CCBE1: variants seen among roughly 807,000 people sequenced by gnomAD.
CCBE1 encodes the protein collagen and calcium binding EGF domains 1, also known as collagen and calcium-binding EGF domain-containing protein 1.
CCBE1 carries 37 observed loss-of-function variants against 50.0 expected under a neutral mutation model. The ratio of observed to expected loss-of-function variants is 0.74; its 90% confidence interval spans 0.57 to 0.97. The LOEUF is 0.97. CCBE1 is among the 50% of genes least tolerant of loss of function. CCBE1 has a pLI of 0.00. For synonymous variants in CCBE1, 234 were observed against 203.7 expected, an observed-to-expected ratio of 1.15 and a Z score of -1.27; for missense variants, 538 against 523.8, an observed-to-expected ratio of 1.03 and a Z score of -0.26.
chr18:59,480,123 T>C, intron 3 of CCBE1, 63 bp downstream of exon 3: 1 of 1,024,904 alleles, frequency 9.8e-7, no homozygotes, highest in South Asian at 1.3e-5. Context: ...ACATCTGAAG[T>C]TGATAGACTT....
chr18:59,636,046 A>G (rs573251561), intron 2 of CCBE1, among the ~76,000 whole-genome samples: 4 of 152,130 alleles, frequency 2.6e-5, no homozygotes, highest in Admixed American at 2.6e-4. Context: ...CCAGCTACTC[A>G]GAAGGCTGAG....
chr18:59,671,472 T>C (rs2054429341), intron 2 of CCBE1, among the ~76,000 whole-genome samples: 1 of 147,220 alleles, frequency 6.8e-6, no homozygotes, highest in African/African-American at 2.5e-5. Context: ...CATTCCAGCC[T>C]GGGCAACAGA....
intron 2 of CCBE1, among the ~76,000 whole-genome samples, chr18:59,587,013 T>C (rs1038147295): frequency 2.0e-5 from 3 of 152,170 alleles, no homozygotes; most frequent in African/African-American, 7.2e-5. Flanking sequence ...GGAAATAAAA[T>C]CTTTAAGTTA....
intron 2 of CCBE1, among the ~76,000 whole-genome samples, chr18:59,548,867 A>G (rs1189296673): frequency 6.6e-6 from 1 of 152,068 alleles, no homozygotes; most frequent in Non-Finnish European, 1.5e-5. Context: ...TGTGCATCTA[A>G]ACATAGGAAA....
At chr18:59,493,997 C>A (rs1262538994) in intron 2 of CCBE1, among the ~76,000 whole-genome samples, 1 of 152,192 alleles carries the variant, frequency 6.6e-6, no homozygotes, top group Non-Finnish European at 1.5e-5. Flanking sequence ...TTGCCTTCCA[C>A]CATGATTGTG....
chr18:59,482,322 T>A (rs1179283789), intron 2 of CCBE1, among the ~76,000 whole-genome samples: 1 of 152,170 alleles, frequency 6.6e-6, no homozygotes, highest in Non-Finnish European at 1.5e-5. Context: ...TGTGGAGAAA[T>A]AGGAACATTT....
At chr18:59,477,263 C>T (rs974326588) in intron 3 of CCBE1, among the ~76,000 whole-genome samples, 5 of 152,200 alleles carry the variant, frequency 3.3e-5, no homozygotes, top group Non-Finnish European at 7.3e-5. Context: ...AGTATTGTCA[C>T]ACCCTGTGAT....
intron 2 of CCBE1, among the ~76,000 whole-genome samples, chr18:59,582,097 C>T (rs9945640): frequency 0.028 from 4,200 of 152,206 alleles, 183 homozygotes; most frequent in African/African-American, 0.096. Context: ...ACTGGTCTGC[C>T]ACTGTGCCTC....
chr18:59,681,024 C>A (rs904729094), intron 2 of CCBE1, among the ~76,000 whole-genome samples: 1 of 150,570 alleles, frequency 6.6e-6, no homozygotes, highest in South Asian at 2.1e-4. Flanking sequence ...GAAGCCTCAT[C>A]CTTTTAGGAA....
intron 2 of CCBE1, among the ~76,000 whole-genome samples, chr18:59,607,281 A>G (rs12457013): frequency 0.36 from 54,258 of 152,018 alleles, 10,049 homozygotes; most frequent in East Asian, 0.61. Context: ...AATACGGCCC[A>G]TAAGTTCATG....
chr18:59,436,971 C>CA (rs34748847), intron 10 of CCBE1, among the ~76,000 whole-genome samples: 12 of 151,376 alleles, frequency 7.9e-5, no homozygotes, highest in Non-Finnish European at 1.6e-4. Context: ...GACCCTGTCT[C>CA]AAAAAAAACA....
chr18:59,565,856 C>T (rs1280795393), intron 2 of CCBE1, among the ~76,000 whole-genome samples: 2 of 151,766 alleles, frequency 1.3e-5, no homozygotes, highest in East Asian at 1.9e-4. Flanking sequence ...CAAAGAAAAT[C>T]GAATGCAAAA....
In CCBE1 at chr18:59,432,434, T is replaced by C. The variant is rs1909977031; in HGVS notation, c.*3474A>G. The C allele has an allele frequency of 6.6e-6, 1 of 152,194 alleles. No individual in the cohort carries two copies. Among genetic ancestry groups the C allele is most frequent in the African/African-American group, 2.4e-5 (1 of 41,442 alleles). The allele number at this position is 152,194 out of a possible 1,614,324, so 9.4% of individuals were successfully genotyped here. A position where few individuals can be genotyped will look rare whatever the true frequency, so the allele number is the denominator to read the frequency against. Reference sequence around the variant, plus strand: ...AAAACATGAAATGACCTAGAAGCACTGTTACAAATCTTACCCCAGAAATAG... The same window carrying C: ...AAAACATGAAATGACCTAGAAGCACCGTTACAAATCTTACCCCAGAAATAG... On this transcript the variant is annotated 3_prime_UTR_variant, in exon 11 of 11. Transcript: ENST00000439986.
At chr18:59,643,565 G>A (rs1431134168) in intron 2 of CCBE1, among the ~76,000 whole-genome samples, 1 of 152,172 alleles carries the variant, frequency 6.6e-6, no homozygotes, top group East Asian at 1.9e-4. Context: ...TTGGAAGGCC[G>A]AGGTGGATCA....
intron 2 of CCBE1, among the ~76,000 whole-genome samples, chr18:59,628,172 G>A (rs374528188): frequency 9.2e-5 from 14 of 152,022 alleles, no homozygotes; most frequent in Non-Finnish European, 1.6e-4. Context: ...AATTTTGATC[G>A]TGCCACTGCA....
chr18:59,612,966 G>T (rs560096635), intron 2 of CCBE1, among the ~76,000 whole-genome samples: 1 of 152,040 alleles, frequency 6.6e-6, no homozygotes, highest in Admixed American at 6.6e-5. Context: ...ATTAGAGACT[G>T]TGAAGAGAGG....
chr18:59,489,974 A>G (rs991667862), intron 2 of CCBE1, among the ~76,000 whole-genome samples: 2 of 148,654 alleles, frequency 1.3e-5, no homozygotes, highest in Non-Finnish European at 3.0e-5. Context: ...ATATACTTAT[A>G]TACGCATAAG....
chr18:59,453,909 A>G (rs146622188), intron 6 of CCBE1, among the ~76,000 whole-genome samples: 90 of 152,254 alleles, frequency 5.9e-4, no homozygotes, highest in African/African-American at 2.1e-3. Context: ...ATCCCGGGGC[A>G]TTACTCACAG....
intron 2 of CCBE1, among the ~76,000 whole-genome samples, chr18:59,593,052 T>C (rs938140707): frequency 2.6e-5 from 4 of 152,166 alleles, no homozygotes; most frequent in African/African-American, 9.7e-5. Flanking sequence ...GGATAGTGGT[T>C]AATTTGGGAG....
Sources: gnomAD v4.1 joint callset for allele counts (sites outside exome capture counted in the v4.1 genomes callset) on GRCh38, gnomAD v4.1.1 for gene constraint, MANE v1.5 for transcripts, NCBI Gene and HGNC (gene_info 2026-07-23, HGNC 2026-07-21) for gene names.